FFAR4: variants seen among roughly 807,000 people sequenced by gnomAD.
The protein encoded by FFAR4 is G-protein coupled receptor 120.
FFAR4 carries 19 observed loss-of-function variants against 27.0 expected under a neutral mutation model. The observed-to-expected ratio is 0.70, with a 90% CI of 0.49 to 1.03. FFAR4 has a LOEUF of 1.03. Ranked by LOEUF, FFAR4 falls within the 50% of genes least tolerant of loss-of-function variation. FFAR4 has a pLI of 0.00. For missense variants in FFAR4, 476 were observed against 479.0 expected, an observed-to-expected ratio of 0.99 and a Z score of 0.06; for synonymous variants, 254 against 215.6, an observed-to-expected ratio of 1.18 and a Z score of -1.56.
At chr10:93,583,477 G>T (rs994402930) in intron 2 of FFAR4, among the ~76,000 whole-genome samples, 2 of 151,764 alleles carry the variant, frequency 1.3e-5, no homozygotes, top group Admixed American at 6.6e-5. Context: ...GGCAACTGTC[G>T]CATGAGTGCC....
In FFAR4 at chr10:93,576,122, C is replaced by T; in HGVS notation, c.599C>T (p.Thr200Ile). Reference sequence around the variant, plus strand: ...TCGATTTGCACACTGATTTGGCCCACCATTCCTGGAGAGATCTCGTGGGAT... The same window carrying T: ...TCGATTTGCACACTGATTTGGCCCATCATTCCTGGAGAGATCTCGTGGGAT... ...EISICTLIWP[T>I]IPGEISWDVS... is the part of the protein sequence containing the mutation. Residue 200 changes from threonine to isoleucine, a missense_variant, in exon 2 of 3, where the codon ACC (threonine) becomes ATC (isoleucine). Physicochemically the swap from Thr to Ile is moderately conservative, Grantham distance 89 (BLOSUM62 -1). Coordinates refer to ENST00000371481, the MANE Select transcript of FFAR4 (RefSeq NM_001195755.2). 6.2e-7 allele frequency: 1 copy of T among 1,613,998 alleles called. No homozygotes were observed. The highest frequency in any genetic ancestry group is 8.5e-7 in the Non-Finnish European group (1 of 1,179,872).
At chr10:93,581,762 T>C (rs2058198561) in intron 2 of FFAR4, among the ~76,000 whole-genome samples, 1 of 151,994 alleles carries the variant, frequency 6.6e-6, no homozygotes, top group South Asian at 2.1e-4. Flanking sequence ...CCCCACACAA[T>C]CCGAATGTCT....
rs1396116466 is a variant in FFAR4, at chr10:93,566,959, A to AC, written c.241dup (p.Leu81ProfsTer22). ...GGCGCGACTGCCTGCCTGGTACTCA[A>AC]CCTCTTCTGCGCGGACCTGCTCTTC... is the stretch of plus-strand genomic sequence containing the variant. On this transcript the variant is annotated frameshift_variant, in exon 1 of 3. Coordinates refer to ENST00000371481, the MANE Select transcript of FFAR4 (RefSeq NM_001195755.2). LOFTEE classifies it high-confidence loss of function. 6.2e-7 allele frequency: 1 copy of AC among 1,611,328 alleles called. No individual in the cohort carries two copies. Among genetic ancestry groups the AC allele is most frequent in the Non-Finnish European group, 8.5e-7 (1 of 1,179,664 alleles).
intron 1 of FFAR4, among the ~76,000 whole-genome samples, chr10:93,568,302 TAGAG>T (rs1325912978): frequency 3.9e-5 from 6 of 152,042 alleles, no homozygotes; most frequent in Non-Finnish European, 7.4e-5. Flanking sequence ...CGGAGAGAGA[TAGAG>T]AAAGGACTTA....
chr10:93,582,979 G>C (rs2058207062), intron 2 of FFAR4, among the ~76,000 whole-genome samples: 1 of 152,056 alleles, frequency 6.6e-6, no homozygotes, highest in South Asian at 2.1e-4. Context: ...CAGCGTGGGG[G>C]AAACTGCCCC....
chr10:93,587,740 C>T lies in FFAR4; in HGVS notation c.*131C>T, dbSNP rs1055591341. On this transcript the variant is annotated 3_prime_UTR_variant, in exon 3 of 3. Transcript: ENST00000371481. ...AACCTATGCAAATAGACATCCACAG[C>T]GTCGGTAAATTAAGGGGTGATCACC... 49 of 888,556 alleles carry T rather than the reference C, an allele frequency of 5.5e-5. No individual in the cohort carries two copies. Among genetic ancestry groups the T allele is most frequent in the Middle Eastern group, 3.0e-4 (1 of 3,372 alleles). 55.0% of individuals were successfully genotyped at this position (888,556 alleles called of 1,614,324 possible).
At chr10:93,569,355 A>G (rs1431109066) in intron 1 of FFAR4, among the ~76,000 whole-genome samples, 2 of 152,214 alleles carry the variant, frequency 1.3e-5, no homozygotes, top group Non-Finnish European at 2.9e-5. Context: ...GTCACTTCCC[A>G]GCCAGAGCCC....
intron 1 of FFAR4, among the ~76,000 whole-genome samples, chr10:93,568,553 A>G (rs1181509423): frequency 6.6e-6 from 1 of 152,074 alleles, no homozygotes; most frequent in Non-Finnish European, 1.5e-5. Context: ...GAGAAATGAC[A>G]TGTCACCAGG....
intron 1 of FFAR4, among the ~76,000 whole-genome samples, chr10:93,572,846 T>G (rs2058140028): frequency 6.6e-6 from 1 of 152,138 alleles, no homozygotes. Flanking sequence ...AAGAGTAGAT[T>G]GGAGCTTTAC....
intron 2 of FFAR4, among the ~76,000 whole-genome samples, chr10:93,583,010 C>T (rs193024854): frequency 6.6e-6 from 1 of 152,198 alleles, no homozygotes; most frequent in African/African-American, 2.4e-5. Context: ...ACACCTCCCA[C>T]CTGGATCCTC....
rs1473726856 is a variant in FFAR4 at position 93,583,288 on chromosome 10, C to T, written c.697-3932C>T. Among the ~76,000 whole-genome samples the T allele has an allele frequency of 7.4e-5, 11 of 149,468 alleles. No homozygotes were observed. In the South Asian group the frequency reaches 8.5e-4, roughly 12 times the overall value. On this transcript the variant is annotated intron_variant, in intron 2 of 2. Transcript: ENST00000371481. ...AAAATTAGCCGGGCGTGATGGCGGGCGCCTGTAGTCCCAGCTACTCAGGAG... is the reference window on the plus strand; with the variant it reads ...AAAATTAGCCGGGCGTGATGGCGGGTGCCTGTAGTCCCAGCTACTCAGGAG...
At chr10:93,586,264 G>A (rs906013422) in intron 2 of FFAR4, among the ~76,000 whole-genome samples, 6 of 152,104 alleles carry the variant, frequency 3.9e-5, no homozygotes, top group Non-Finnish European at 8.8e-5. Context: ...GGTTTTATAA[G>A]GGTCTCCCCC....
At position 93,574,706 on chromosome 10, in the gene FFAR4, G is replaced by T. The variant is rs188181368; in HGVS notation, c.568-1385G>T. Among the ~76,000 whole-genome samples, 12 of 151,888 alleles carry T rather than the reference G, an allele frequency of 7.9e-5. No individual in the cohort carries two copies. The East Asian group carries it at 2.3e-3, about 30-fold the overall frequency. ...GATCGAGACCATTCTGGCTAACATGGTGAAACCCCGTCTCTACTAAAAATA... is the reference window on the plus strand; with the variant it reads ...GATCGAGACCATTCTGGCTAACATGTTGAAACCCCGTCTCTACTAAAAATA... On this transcript the variant is annotated intron_variant, in intron 1 of 2. Coordinates refer to ENST00000371481, the MANE Select transcript of FFAR4 (RefSeq NM_001195755.2).
chr10:93,579,130 C>T (rs769973608), intron 2 of FFAR4: 28 of 1,611,892 alleles, frequency 1.7e-5, no homozygotes, highest in African/African-American at 9.3e-5. Flanking sequence ...TCTAAACCCA[C>T]AGCCGGCCTT....
chr10:93,587,094 A>G (rs2058231879), intron 2 of FFAR4, 126 bp from the exon 3 acceptor site: 2 of 796,788 alleles, frequency 2.5e-6, no homozygotes, highest in East Asian at 2.6e-5. Context: ...TCGGGCACAC[A>G]AAGTCCCAGA....
intron 1 of FFAR4, among the ~76,000 whole-genome samples, chr10:93,574,941 A>C (rs2058154917): frequency 6.6e-6 from 1 of 152,194 alleles, no homozygotes; most frequent in East Asian, 1.9e-4. Flanking sequence ...CCAGTCACCA[A>C]AATGTGGAAG....
At chr10:93,582,803 G>C (rs2058206070) in intron 2 of FFAR4, among the ~76,000 whole-genome samples, 1 of 152,166 alleles carries the variant, frequency 6.6e-6, no homozygotes, top group Non-Finnish European at 1.5e-5. Context: ...AGTTGACTCG[G>C]TTCCACATGG....
intron 1 of FFAR4, among the ~76,000 whole-genome samples, chr10:93,569,692 G>A (rs1315193373): frequency 6.6e-6 from 1 of 151,942 alleles, no homozygotes; most frequent in African/African-American, 2.4e-5. Context: ...TGGGGGCCAG[G>A]TGAGTTAGTT....
intron 2 of FFAR4, among the ~76,000 whole-genome samples, chr10:93,582,450 A>G (rs144217271): frequency 0.012 from 1,853 of 151,464 alleles, 37 homozygotes; most frequent in African/African-American, 0.042. Context: ...AGGCTGAGAC[A>G]GGAGAATTGC....
Sources: allele counts gnomAD v4.1 joint callset (sites outside exome capture counted in the v4.1 genomes callset), GRCh38; gene constraint gnomAD v4.1.1; transcripts MANE v1.5; gene names NCBI Gene and HGNC (gene_info 2026-07-23, HGNC 2026-07-21).